The following NELL1 variants were observed in gnomAD, a reference collection of about 807,000 sequenced individuals.
The protein encoded by NELL1 is neural EGFL like 1, also known as protein kinase C-binding protein NELL1.
Under a neutral mutation model 107.4 loss-of-function variants are expected in NELL1, and 76 were observed. The ratio of observed to expected loss-of-function variants is 0.71; its 90% confidence interval spans 0.59 to 0.86. The LOEUF (loss-of-function observed/expected upper bound fraction) is 0.86, where lower values mean the gene tolerates loss of function less well. NELL1 is among the 40% of genes least tolerant of loss of function. The pLI, the probability that NELL1 is intolerant of heterozygous loss-of-function variation, is 0.00. For synonymous variants in NELL1, 353 were observed against 341.2 expected (o/e 1.03, Z -0.38); for missense variants, 1,024 against 1,005.5 (o/e 1.02, Z -0.25).
In NELL1 at chr11:21,133,398, C is replaced by T. The variant is rs183678245; in HGVS notation, c.1426+19684C>T. Reference sequence around the variant, plus strand: ...CTGTCCTGGTTTGAAGGTGAGGCTTCACCAGGGACCCACCACTTCCCACCC... The same window carrying T: ...CTGTCCTGGTTTGAAGGTGAGGCTTTACCAGGGACCCACCACTTCCCACCC... On this transcript the variant is annotated intron_variant, in intron 13 of 19. Coordinates refer to ENST00000357134, the MANE Select transcript of NELL1 (RefSeq NM_006157.5). 3.2e-3 allele frequency among the ~76,000 whole-genome samples: 480 copies of T among 152,290 alleles called. 3 individuals carry two copies. Among genetic ancestry groups the T allele is most frequent in the Non-Finnish European group, 5.1e-3 (350 of 68,020 alleles).
In NELL1 at chr11:21,454,153, C is replaced by T. The variant is rs1853661927; in HGVS notation, c.1646-80221C>T. On this transcript the variant is annotated intron_variant, in intron 15 of 19. Transcript: ENST00000357134. ...TCCATGTGATCTCATTGTTCAATTC[C>T]CACCTATGAGTGAGAATATGCGGTG... is the stretch of plus-strand genomic sequence containing the variant. Among the ~76,000 whole-genome samples, 6 of 142,108 alleles carry T rather than the reference C, an allele frequency of 4.2e-5. No homozygotes were observed. The Admixed American group carries it at 4.4e-4, about 10-fold the overall frequency. 93.2% of individuals were successfully genotyped at this position (142,108 alleles called of 152,430 possible). A position where few individuals can be genotyped will look rare whatever the true frequency, so the allele number is the denominator to read the frequency against.
At chr11:20,787,954 T>C (rs546725880) in intron 3 of NELL1, among the ~76,000 whole-genome samples, 3 of 152,344 alleles carry the variant, frequency 2.0e-5, no homozygotes, top group Non-Finnish European at 4.4e-5. Context: ...AGTGAAATCA[T>C]ACACTGTGTA....
rs77373103 is a variant in NELL1, at chr11:21,547,508, T to C, written c.1787-12681T>C. On this transcript the variant is annotated intron_variant, in intron 16 of 19. Coordinates refer to ENST00000357134, the MANE Select transcript of NELL1 (RefSeq NM_006157.5). The stretch of plus-strand genomic sequence containing the variant: ...AAGTTTTGAATTTTGTTTCATAATA[T>C]CAGTGTTATATAATATTGTTGTGAA... Among the ~76,000 whole-genome samples the C allele has an allele frequency of 3.3e-3, 504 of 152,042 alleles. 9 individuals carry two copies. The highest frequency in any genetic ancestry group is 0.012 in the African/African-American group (479 of 41,522).
chr11:21,189,681 CTTT>C (rs58557342), intron 13 of NELL1, among the ~76,000 whole-genome samples: 86,546 of 141,384 alleles, frequency 0.61, 27,240 homozygotes, highest in Middle Eastern at 0.71. Context: ...TTGTTTCTTC[CTTT>C]TTTTTTTTTT....
At chr11:21,019,904 C>G (rs544970778) in intron 12 of NELL1, among the ~76,000 whole-genome samples, 1 of 152,148 alleles carries the variant, frequency 6.6e-6, no homozygotes, top group South Asian at 2.1e-4. Flanking sequence ...TTACATCAAC[C>G]ACTGTTAGAT....
intron 15 of NELL1, among the ~76,000 whole-genome samples, chr11:21,533,894 C>A (rs1591013753): frequency 6.6e-6 from 1 of 152,080 alleles, no homozygotes; most frequent in East Asian, 1.9e-4. Flanking sequence ...CTTTGCAGGA[C>A]ATATAATTAT....
chr11:20,837,144 T>C (rs1017292860), intron 3 of NELL1, among the ~76,000 whole-genome samples: 2 of 152,156 alleles, frequency 1.3e-5, no homozygotes, highest in African/African-American at 4.8e-5. Flanking sequence ...ATATAGACAC[T>C]TCACTTGAGT....
chr11:21,277,913 G>A (rs907302121), intron 14 of NELL1, among the ~76,000 whole-genome samples: 1 of 152,088 alleles, frequency 6.6e-6, no homozygotes, highest in African/African-American at 2.4e-5. Context: ...GTGAGGGAAG[G>A]GGGAGGGATA....
intron 2 of NELL1, among the ~76,000 whole-genome samples, chr11:20,685,893 G>A (rs1189245719): frequency 3.9e-5 from 6 of 151,904 alleles, no homozygotes; most frequent in African/African-American, 1.4e-4. Flanking sequence ...ATATAAAATA[G>A]GTACTATTAT....
chr11:21,071,952 C>T (rs981914574), intron 12 of NELL1, among the ~76,000 whole-genome samples: 1 of 152,082 alleles, frequency 6.6e-6, no homozygotes, highest in East Asian at 1.9e-4. Flanking sequence ...CAACAATGAT[C>T]AGGGTCTTCA....
At chr11:21,442,706 T>C (rs1044813416) in intron 15 of NELL1, among the ~76,000 whole-genome samples, 49 of 152,150 alleles carry the variant, frequency 3.2e-4, no homozygotes, top group African/African-American at 1.2e-3. Context: ...AATAAAAGTA[T>C]GCTGTCAGCA....
At chr11:20,764,436 A>C (rs775309788) in intron 2 of NELL1, among the ~76,000 whole-genome samples, 1 of 152,168 alleles carries the variant, frequency 6.6e-6, no homozygotes, top group Non-Finnish European at 1.5e-5. Context: ...CTACACCAAC[A>C]TGCTGAGGCT....
chr11:21,211,780 A>G (rs1336547441), intron 13 of NELL1, among the ~76,000 whole-genome samples: 1 of 152,084 alleles, frequency 6.6e-6, no homozygotes, highest in Non-Finnish European at 1.5e-5. Flanking sequence ...GGTATCAAGA[A>G]TGAATAATAA....
intron 5 of NELL1, among the ~76,000 whole-genome samples, chr11:20,910,755 C>T (rs1039179019): frequency 9.2e-5 from 14 of 152,152 alleles, no homozygotes; most frequent in African/African-American, 2.9e-4. Flanking sequence ...TCAGCAAGTG[C>T]TTAGAAGTAC....
At chr11:21,288,183 C>CT (rs2133956100) in intron 14 of NELL1, among the ~76,000 whole-genome samples, 1 of 152,080 alleles carries the variant, frequency 6.6e-6, no homozygotes, top group African/African-American at 2.4e-5. Flanking sequence ...CTCCTAATGG[C>CT]TTAGGAGTAG....
At chr11:21,215,704 C>T (rs1268397101) in intron 13 of NELL1, among the ~76,000 whole-genome samples, 1 of 152,090 alleles carries the variant, frequency 6.6e-6, no homozygotes, top group Non-Finnish European at 1.5e-5. Flanking sequence ...CAGCATTTTG[C>T]CTCTGCCCTA....
chr11:21,277,150 C>G (rs1172190986), intron 14 of NELL1, among the ~76,000 whole-genome samples: 1 of 151,868 alleles, frequency 6.6e-6, no homozygotes, highest in African/African-American at 2.4e-5. Flanking sequence ...ATCTACTCAT[C>G]TGACAAAGGG....
At chr11:21,389,978 G>T (rs79747868) in intron 15 of NELL1, among the ~76,000 whole-genome samples, 2,531 of 151,784 alleles carry the variant, frequency 0.017, 36 homozygotes, top group East Asian at 0.069. Flanking sequence ...AGTAGATACT[G>T]CCCAGTTTCC....
chr11:21,246,586 C>A (rs56092408), intron 14 of NELL1, among the ~76,000 whole-genome samples: 1 of 152,092 alleles, frequency 6.6e-6, no homozygotes, highest in South Asian at 2.1e-4. Context: ...CTAGACTCTA[C>A]GATATGGCCT....
Sources: allele counts gnomAD v4.1 joint callset (sites outside exome capture counted in the v4.1 genomes callset), GRCh38; gene constraint gnomAD v4.1.1; transcripts MANE v1.5; gene names NCBI Gene and HGNC (gene_info 2026-07-23, HGNC 2026-07-21).